Variants in TSC22D4 observed in about 807,000 individuals in gnomAD.
TSC22D4 encodes TSC22 domain family protein 4.
A neutral mutation model predicts 24.9 loss-of-function variants in TSC22D4; 5 were observed. That is an observed-to-expected ratio of 0.20 (90% CI 0.10 to 0.42). TSC22D4 has a LOEUF of 0.42. Ranked by LOEUF, TSC22D4 falls within the 10% of genes least tolerant of loss-of-function variation. The pLI is 1.00. For missense variants in TSC22D4, 469 were observed against 547.9 expected (o/e 0.86, Z 1.44); for synonymous variants, 245 against 243.2 (o/e 1.01, Z -0.07).
chr7:100,467,331 G>T, intron 4 of TSC22D4, 163 bp from the exon 5 acceptor site: 2 of 884,042 alleles, frequency 2.3e-6, no homozygotes, highest in Non-Finnish European at 3.6e-6. Context: ...CAGAGTCAGG[G>T]CTCAAAGACA....
chr7:100,467,790 G>A (rs1799314306), intron 3 of TSC22D4, 190 bp from the exon 4 acceptor site: 2 of 704,906 alleles, frequency 2.8e-6, no homozygotes, highest in Non-Finnish European at 5.2e-6. Flanking sequence ...GGTGGGGCGG[G>A]GGCCCAGATG....
In TSC22D4 at chr7:100,474,720, C is replaced by A. The variant is rs1385795235; in HGVS notation, c.763-280G>T. 6.6e-6 allele frequency among the ~76,000 whole-genome samples: 1 copy of A among 152,138 alleles called. No homozygotes were observed. Among genetic ancestry groups the A allele is most frequent in the Non-Finnish European group, 1.5e-5 (1 of 68,034 alleles). On this transcript the variant is annotated intron_variant, in intron 2 of 4. Transcript: ENST00000300181. The surrounding 1 kb of genome is among the most constrained non-coding windows in gnomAD (Gnocchi z 4.3). ...GAGGAGGGGGTGACTGACGGAGGAACCCAGAATAGACTCCAATGCCCCAGC... is the reference window on the plus strand; with the variant it reads ...GAGGAGGGGGTGACTGACGGAGGAAACCAGAATAGACTCCAATGCCCCAGC...
In TSC22D4 at chr7:100,477,812, T is replaced by G; in HGVS notation, c.227A>C (p.Lys76Thr). 6.2e-7 allele frequency: 1 copy of G among 1,607,330 alleles called. No individual in the cohort carries two copies. The highest frequency in any genetic ancestry group is 8.5e-7 in the Non-Finnish European group (1 of 1,179,364). ...AGGCTCTCCCAGGCCGTGGGGCAGC[T>G]TCACCACCCGGAAACGGGAGGAAGG... is the stretch of plus-strand genomic sequence containing the variant. Reference protein sequence around the residue: ...GAPSSRFRVVKLPHGLGEPYR... With the variant: ...GAPSSRFRVVTLPHGLGEPYR... The change falls in exon 2 of 5, where the codon AAG becomes ACG. Residue 76 changes from lysine (K) to threonine (T), a missense_variant. Transcript: ENST00000300181. This position sits in a 1 kb window ranked among gnomAD's most constrained non-coding sequence, Gnocchi z 7.8.
Position 100,477,761 on chromosome 7 carries a change from A to G in TSC22D4, c.278T>C (p.Val93Ala). The G allele has an allele frequency of 6.2e-7, 1 of 1,605,014 alleles. No individual in the cohort carries two copies. Among genetic ancestry groups the G allele is most frequent in the Non-Finnish European group, 8.5e-7 (1 of 1,179,780 alleles). Residue 93 changes from valine (V) to alanine (A), a missense_variant, in exon 2 of 5, where the codon GTG (valine) becomes GCG (alanine). Coordinates refer to ENST00000300181, the MANE Select transcript of TSC22D4 (RefSeq NM_030935.5). The surrounding 1 kb of genome is among the most constrained non-coding windows in gnomAD (Gnocchi z 7.8). ...CTCCAGGTCTCGCTCATAAACATCC[A>G]CACACGTCCAGCGACCGCGGCGATA... ...EPYRRGRWTCVDVYERDLEPH... is the reference protein window; with the variant it reads ...EPYRRGRWTCADVYERDLEPH...
chr7:100,467,935 T>A, intron 3 of TSC22D4: 1 of 537,490 alleles, frequency 1.9e-6, no homozygotes, highest in Non-Finnish European at 3.7e-6. Flanking sequence ...GACCCCTGGC[T>A]GGGCCATGCC....
At chr7:100,478,379 G>GTGTGTGTGTGTA (rs1799557841) in intron 1 of TSC22D4, 72 bp from the exon 2 acceptor site, 3 of 271,602 alleles carry the variant, frequency 1.1e-5, no homozygotes, top group Non-Finnish European at 2.1e-5. Context: ...GTGTGTGTGT[G>GTGTGTGTGTGTA]TGTGTGTGTG....
At position 100,477,130 on chromosome 7, in the gene TSC22D4, A is replaced by G; in HGVS notation, c.762+147T>C. 1 of 640,272 alleles carries G rather than the reference A, an allele frequency of 1.6e-6. No homozygotes were observed. Among genetic ancestry groups the G allele is most frequent in the Admixed American group, 3.1e-5 (1 of 32,476 alleles). 39.7% of individuals were successfully genotyped at this position (640,272 alleles called of 1,614,324 possible). A position where few individuals can be genotyped will look rare whatever the true frequency, so the allele number is the denominator to read the frequency against. The stretch of plus-strand genomic sequence containing the variant: ...ATGAAGTAGGAGGAAGGGGCTTCAG[A>G]GTGACCTGGCAGGCACAGAGAAGAG... On this transcript the variant is annotated intron_variant, in intron 2 of 4. Transcript: ENST00000300181. This position sits in a 1 kb window ranked among gnomAD's most constrained non-coding sequence, Gnocchi z 7.8.
intron 3 of TSC22D4, among the ~76,000 whole-genome samples, chr7:100,472,635 G>A (rs979507678): frequency 1.3e-5 from 2 of 151,866 alleles, no homozygotes; most frequent in African/African-American, 4.8e-5. Context: ...TCCCAGCCCT[G>A]GCCGACCTCA....
At chr7:100,470,309 G>A (rs983095701) in intron 3 of TSC22D4, among the ~76,000 whole-genome samples, 9 of 152,182 alleles carry the variant, frequency 5.9e-5, no homozygotes, top group Non-Finnish European at 1.0e-4. Context: ...TTTGTCTAGC[G>A]CCTGGGAGTT....
At position 100,477,478 on chromosome 7, in the gene TSC22D4, C is replaced by G; in HGVS notation, c.561G>C (p.Ser187=). Residue 187 remains serine, a synonymous_variant, in exon 2 of 5, where the codon TCG becomes TCC. Transcript: ENST00000300181. This position sits in a 1 kb window ranked among gnomAD's most constrained non-coding sequence, Gnocchi z 7.8. ...GGGGGCGCTGCTGGGGTGAGGAGGC[C>G]GACAGTGGGGGTTTCTCTGCCTTGG... is the stretch of plus-strand genomic sequence containing the variant. ...SKAKAEKPPL[S]ASSPQQRPPE... 1 of 1,551,670 alleles carries G rather than the reference C, an allele frequency of 6.4e-7. No homozygotes were observed. The highest frequency in any genetic ancestry group is 8.7e-7 in the Non-Finnish European group (1 of 1,150,788).
At chr7:100,469,097 G>A (rs543490654) in intron 3 of TSC22D4, among the ~76,000 whole-genome samples, 2 of 150,870 alleles carry the variant, frequency 1.3e-5, no homozygotes, top group Non-Finnish European at 2.9e-5. Context: ...CATGGTGGGG[G>A]GTGCCTGTAA....
At chr7:100,473,913 C>T (rs950727033) in intron 3 of TSC22D4, 6 of 214,032 alleles carry the variant, frequency 2.8e-5, no homozygotes, top group East Asian at 1.0e-4. Context: ...CACTGTGCCC[C>T]GGCCTGATTT....
rs1261817774 is a variant in TSC22D4 at position 100,474,758 on chromosome 7, G to A, written c.763-318C>T. ...CCAATGCCCCAGCTCCCACTGGGCC[G>A]GGACCCCTAATCAGAGGCTACGCAG... On this transcript the variant is annotated intron_variant, in intron 2 of 4. Transcript: ENST00000300181. This position sits in a 1 kb window ranked among gnomAD's most constrained non-coding sequence, Gnocchi z 4.3. Among the ~76,000 whole-genome samples the A allele has an allele frequency of 6.6e-6, 1 of 152,132 alleles. No individual in the cohort carries two copies. The highest frequency in any genetic ancestry group is 2.4e-5 in the African/African-American group (1 of 41,430).
Position 100,478,077 on chromosome 7 carries a change from G to A in TSC22D4, c.-39C>T. The A allele has an allele frequency of 6.4e-7, 1 of 1,550,500 alleles. No individual in the cohort carries two copies. The highest frequency in any genetic ancestry group is 8.7e-7 in the Non-Finnish European group (1 of 1,149,648). ...CAGGGCTGGGCCAAGGTTGGGGGTG[G>A]GTTGGGGCTCCTTGAAGGGGCTCAG... is the stretch of plus-strand genomic sequence containing the variant. On this transcript the variant is annotated 5_prime_UTR_variant, in exon 2 of 5. Transcript: ENST00000300181.
rs1158480098 is a variant in TSC22D4, at chr7:100,474,948, T to G, written c.763-508A>C. 6.6e-6 allele frequency among the ~76,000 whole-genome samples: 1 copy of G among 152,022 alleles called. No individual in the cohort carries two copies. Among genetic ancestry groups the G allele is most frequent in the Non-Finnish European group, 1.5e-5 (1 of 68,004 alleles). On this transcript the variant is annotated intron_variant, in intron 2 of 4. Coordinates refer to ENST00000300181, the MANE Select transcript of TSC22D4 (RefSeq NM_030935.5). This position sits in a 1 kb window ranked among gnomAD's most constrained non-coding sequence, Gnocchi z 4.3. ...ACCCGAGTAGCTGGGACTACAGGCA[T>G]GCACCATCATAACTGGCTAATTTTT...
chr7:100,474,570 C>T lies in TSC22D4; in HGVS notation c.763-130G>A. The T allele has an allele frequency of 1.9e-6, 2 of 1,073,488 alleles. No individual in the cohort carries two copies. Among genetic ancestry groups the T allele is most frequent in the Non-Finnish European group, 2.7e-6 (2 of 750,608 alleles). 66.5% of individuals were successfully genotyped at this position (1,073,488 alleles called of 1,614,324 possible). ...TCTTTCGAGGACCCAGGAGTCCTGT[C>T]CCCGCAGTCCTTCCCTCCTCCAGCT... On this transcript the variant is annotated intron_variant, in intron 2 of 4. Coordinates refer to ENST00000300181, the MANE Select transcript of TSC22D4 (RefSeq NM_030935.5). This position sits in a 1 kb window ranked among gnomAD's most constrained non-coding sequence, Gnocchi z 4.3.
chr7:100,468,029 C>T, intron 3 of TSC22D4: 1 of 454,146 alleles, frequency 2.2e-6, no homozygotes, highest in Non-Finnish European at 4.5e-6. Context: ...GCCCCCCGGG[C>T]AGAGCAGGGT....
rs1799461785 is a variant in TSC22D4 at position 100,474,742 on chromosome 7, C to T, written c.763-302G>A. On this transcript the variant is annotated intron_variant, in intron 2 of 4. Transcript: ENST00000300181. This position sits in a 1 kb window ranked among gnomAD's most constrained non-coding sequence, Gnocchi z 4.3. Reference sequence around the variant, plus strand: ...GAACCCAGAATAGACTCCAATGCCCCAGCTCCCACTGGGCCGGGACCCCTA... The same window carrying T: ...GAACCCAGAATAGACTCCAATGCCCTAGCTCCCACTGGGCCGGGACCCCTA... Among the ~76,000 whole-genome samples the T allele has an allele frequency of 6.6e-6, 1 of 152,172 alleles. No individual in the cohort carries two copies. The highest frequency in any genetic ancestry group is 2.4e-5 in the African/African-American group (1 of 41,448).
chr7:100,469,402 CT>C (rs1799352495), intron 3 of TSC22D4, among the ~76,000 whole-genome samples: 1 of 151,994 alleles, frequency 6.6e-6, no homozygotes, highest in African/African-American at 2.4e-5. Context: ...TGGCTGCAGT[CT>C]GGGAAGTGGC....
Sources: allele counts gnomAD v4.1 joint callset (sites outside exome capture counted in the v4.1 genomes callset), GRCh38; gene constraint gnomAD v4.1.1; non-coding constraint Gnocchi (gnomAD v3.1); transcripts MANE v1.5; gene names NCBI Gene and HGNC (gene_info 2026-07-23, HGNC 2026-07-21).